Variants in PSME3IP1 observed in about 807,000 individuals in gnomAD.
PSME3IP1 encodes the protein proteasome activator subunit 3 interacting protein 1.
PSME3IP1 carries 13 observed loss-of-function variants against 34.1 expected under a neutral mutation model. The ratio of observed to expected loss-of-function variants is 0.38; its 90% CI spans 0.25 to 0.61. The LOEUF is 0.61. PSME3IP1 is among the 20% of genes least tolerant of loss of function. PSME3IP1 has a pLI of 0.60. For synonymous variants in PSME3IP1, 93 were observed against 114.3 expected (o/e 0.81, Z 1.19); for missense variants, 237 against 301.4 (o/e 0.79, Z 1.58).
Position 57,166,274 on chromosome 16 carries a change from T to TA in PSME3IP1, c.482+818dup, listed in dbSNP as rs1597651161. ...CGCCCACAGTCTGTTGGGTCAAATC[T>TA]AAATGACCAGATTCAATCACTCTGA... On this transcript the variant is annotated intron_variant, in intron 5 of 6. Coordinates refer to ENST00000309137, the MANE Select transcript of PSME3IP1 (RefSeq NM_024946.4). Among the ~76,000 whole-genome samples the TA allele has an allele frequency of 2.0e-5, 3 of 152,356 alleles. No individual in the cohort carries two copies. In the East Asian group the frequency reaches 5.8e-4, roughly 29 times the overall value.
chr16:57,162,008 G>A (rs1040481382), intron 6 of PSME3IP1, among the ~76,000 whole-genome samples: 2 of 151,636 alleles, frequency 1.3e-5, no homozygotes, highest in Non-Finnish European at 2.9e-5. Context: ...AGGTTCAAAC[G>A]ATTCTTCCGC....
chr16:57,167,044 C>G (rs1299337772), intron 5 of PSME3IP1, 49 bp downstream of exon 5: 9 of 1,605,194 alleles, frequency 5.6e-6, no homozygotes, highest in Non-Finnish European at 7.7e-6. Flanking sequence ...AGTGGTGTTT[C>G]AGAGTACACG....
intron 1 of PSME3IP1, among the ~76,000 whole-genome samples, chr16:57,179,985 A>C (rs1445687036): frequency 6.6e-6 from 1 of 152,250 alleles, no homozygotes; most frequent in Admixed American, 6.5e-5. Context: ...ATTTTTAAAA[A>C]TTTAGCTGAC....
intron 1 of PSME3IP1, among the ~76,000 whole-genome samples, chr16:57,181,237 CA>C (rs2073682984): frequency 6.6e-6 from 1 of 152,152 alleles, no homozygotes; most frequent in Admixed American, 6.5e-5. Context: ...ATACTTCCCT[CA>C]CTATGCATGA....
At chr16:57,158,075 G>A (rs1218296630) in intron 6 of PSME3IP1, among the ~76,000 whole-genome samples, 1 of 152,078 alleles carries the variant, frequency 6.6e-6, no homozygotes, top group African/African-American at 2.4e-5. Context: ...CATTCACAAG[G>A]GTCAGAAATC....
intron 5 of PSME3IP1, among the ~76,000 whole-genome samples, chr16:57,165,156 T>TAC (rs2071716733): frequency 6.7e-6 from 1 of 149,112 alleles, no homozygotes; most frequent in African/African-American, 2.4e-5. Context: ...GACACTGTTA[T>TAC]ATATATATAT....
intron 2 of PSME3IP1, among the ~76,000 whole-genome samples, chr16:57,173,521 C>T (rs562030572): frequency 5.3e-5 from 8 of 152,216 alleles, no homozygotes; most frequent in South Asian, 2.1e-4. Flanking sequence ...CCCAACTACT[C>T]GGAAGGCTAA....
intron 3 of PSME3IP1, among the ~76,000 whole-genome samples, 174 bp downstream of exon 3, chr16:57,172,602 A>T (rs2072714670): frequency 6.6e-6 from 1 of 152,234 alleles, no homozygotes; most frequent in African/African-American, 2.4e-5. Context: ...TCTAAACAAA[A>T]ATATTCAATG....
At chr16:57,170,476 C>G (rs116735523) in intron 4 of PSME3IP1, among the ~76,000 whole-genome samples, 12 of 152,208 alleles carry the variant, frequency 7.9e-5, no homozygotes, top group Admixed American at 5.2e-4. Flanking sequence ...CCATCTTAGA[C>G]GTGAAGCCTG....
At chr16:57,155,805 CA>C (rs373214326) in intron 6 of PSME3IP1, among the ~76,000 whole-genome samples, 1 of 148,472 alleles carries the variant, frequency 6.7e-6, no homozygotes, top group African/African-American at 2.5e-5. Context: ...GACACTGCCT[CA>C]AAAAAAAACA....
At chr16:57,173,442 C>T (rs1420070559) in intron 2 of PSME3IP1, among the ~76,000 whole-genome samples, 2 of 152,044 alleles carry the variant, frequency 1.3e-5, no homozygotes, top group African/African-American at 4.8e-5. Flanking sequence ...CCAGCCTGGC[C>T]AACAGATGAA....
rs185491494 is a variant in PSME3IP1, at chr16:57,162,305, T to C, written c.547+1696A>G. The stretch of plus-strand genomic sequence containing the variant: ...ATTAAGAATTATGAATGAAATGATA[T>C]AATGTCTGGAATTGTCACAAAATAT... On this transcript the variant is annotated intron_variant, in intron 6 of 6. Coordinates refer to ENST00000309137, the MANE Select transcript of PSME3IP1 (RefSeq NM_024946.4). Among the ~76,000 whole-genome samples the C allele has an allele frequency of 6.7e-4, 102 of 152,344 alleles. 1 individual carries two copies. Among genetic ancestry groups the C allele is most frequent in the Admixed American group, 3.9e-3 (60 of 15,304 alleles).
intron 6 of PSME3IP1, among the ~76,000 whole-genome samples, chr16:57,161,326 T>C (rs531707148): frequency 1.3e-5 from 2 of 152,146 alleles, no homozygotes; most frequent in East Asian, 3.9e-4. Context: ...TATAGCTCAG[T>C]GGAAGAAGAG....
chr16:57,157,144 C>T (rs531234964), intron 6 of PSME3IP1, among the ~76,000 whole-genome samples: 2 of 151,946 alleles, frequency 1.3e-5, no homozygotes, highest in African/African-American at 4.8e-5. Flanking sequence ...TCTGTCTCTA[C>T]AAAAAATTTA....
At chr16:57,158,610 G>GA (rs201371438) in intron 6 of PSME3IP1, among the ~76,000 whole-genome samples, 3,293 of 151,664 alleles carry the variant, frequency 0.022, 68 homozygotes, top group Non-Finnish European at 0.034. Context: ...AACCAACAAA[G>GA]AAAAAAAACC....
intron 1 of PSME3IP1, chr16:57,174,132 A>G (rs1456487124): frequency 9.9e-6 from 3 of 303,418 alleles, no homozygotes; most frequent in South Asian, 3.4e-5. Context: ...CGTCTCTACT[A>G]AAAATACAAA....
intron 1 of PSME3IP1, chr16:57,178,474 G>C: frequency 2.5e-6 from 2 of 806,552 alleles, no homozygotes; most frequent in Non-Finnish European, 3.0e-6. Context: ...CACAGTGTCT[G>C]GCATATATTA....
chr16:57,164,059 C>T lies in PSME3IP1; in HGVS notation c.489G>A (p.Glu163=). The T allele has an allele frequency of 1.2e-6, 2 of 1,614,110 alleles. No individual in the cohort carries two copies. The highest frequency in any genetic ancestry group is 1.7e-6 in the Non-Finnish European group (2 of 1,180,022). Residue 163 remains glutamate (E), a synonymous_variant, in exon 6 of 7, where the codon GAG becomes GAA. Coordinates refer to ENST00000309137, the MANE Select transcript of PSME3IP1 (RefSeq NM_024946.4). The part of the protein sequence containing the change: ...LAGAVKHKSS[E]SGNSVKRLKP... ...TCAGTCTTTTCACACTGTTGCCACTCTCTGAGCTGTAACAAAACACATGGT... is the reference window on the plus strand; with the variant it reads ...TCAGTCTTTTCACACTGTTGCCACTTTCTGAGCTGTAACAAAACACATGGT...
At chr16:57,164,112 T>A in intron 5 of PSME3IP1, 47 bp from the exon 6 acceptor site, 1 of 1,579,248 alleles carries the variant, frequency 6.3e-7, no homozygotes, top group Non-Finnish European at 8.7e-7. Flanking sequence ...ATCTTGTGGA[T>A]CAAAGCTTAG....
Sources: gnomAD v4.1 joint callset for allele counts (sites outside exome capture counted in the v4.1 genomes callset) on GRCh38, gnomAD v4.1.1 for gene constraint, MANE v1.5 for transcripts, NCBI Gene and HGNC (gene_info 2026-07-23, HGNC 2026-07-21) for gene names.